The following SH3D19 variants were observed in gnomAD, a reference collection of about 807,000 sequenced individuals.
The protein encoded by SH3D19 is SH3 domain-containing protein 19.
Under a neutral mutation model 112.1 loss-of-function variants are expected in SH3D19, and 58 were observed. The ratio of observed to expected loss-of-function variants is 0.52; its 90% confidence interval spans 0.42 to 0.64. SH3D19 has a LOEUF of 0.64. Among genes scored for constraint, SH3D19 ranks in the 30% least tolerant of loss-of-function variants. The probability of loss-of-function intolerance (pLI) is 0.00; values close to 1 mark genes in which losing one functional copy is unlikely to be tolerated. For synonymous variants in SH3D19, 391 were observed against 448.5 expected (o/e 0.87, Z 1.62); for missense variants, 1,090 against 1,263.4 (o/e 0.86, Z 2.08).
rs1752166857 is a variant in SH3D19 at position 151,137,812 on chromosome 4, C to T, written c.2347G>A (p.Glu783Lys). 1.2e-6 allele frequency: 2 copies of T among 1,607,618 alleles called. No homozygotes were observed. The highest frequency in any genetic ancestry group is 1.7e-5 in the Admixed American group (1 of 59,280). Residue 783 changes from glutamate to lysine, a missense_variant, in exon 14 of 20, where the codon GAG becomes AAG. Glu to Lys is a moderately conservative substitution (Grantham distance 56). Transcript: ENST00000604030. ...LTSGEIVYLLEKIDTDWYRGN... is the reference protein window; with the variant it reads ...LTSGEIVYLLKKIDTDWYRGN... ...CTGTACCAATCTGTATCTATCTTCT[C>T]CAGAAGATAAACAATTTCTCCAGAA...
chr4:151,144,239 G>A (rs1753528871), intron 11 of SH3D19, 189 bp from the exon 12 acceptor site: 1 of 1,613,930 alleles, frequency 6.2e-7, no homozygotes, highest in Admixed American at 1.7e-5. Flanking sequence ...GAGTTCTCCG[G>A]GGTTTTGAGA....
intron 1 of SH3D19, among the ~76,000 whole-genome samples, chr4:151,248,070 T>A (rs1169482802): frequency 6.6e-6 from 1 of 152,196 alleles, no homozygotes; most frequent in East Asian, 1.9e-4. Context: ...CTTTACTTCA[T>A]GTTGACCAGA....
intron 2 of SH3D19, among the ~76,000 whole-genome samples, chr4:151,224,418 T>C (rs935454915): frequency 3.9e-5 from 6 of 152,226 alleles, no homozygotes; most frequent in Non-Finnish European, 8.8e-5. Flanking sequence ...GTAGATGTAA[T>C]GACATAAGAT....
chr4:151,176,938 A>C lies in SH3D19; in HGVS notation c.254T>G (p.Ile85Ser). The C allele has an allele frequency of 8.1e-7, 1 of 1,232,226 alleles. No individual in the cohort carries two copies. The highest frequency in any genetic ancestry group is 4.1e-5 in the South Asian group (1 of 24,320). 76.3% of individuals were successfully genotyped at this position (1,232,226 alleles called of 1,614,324 possible). Residue 85 changes from isoleucine (I) to serine (S), a missense_variant, in exon 5 of 20, where the codon ATT becomes AGT. By Grantham distance (142) the Ile-to-Ser change is moderately radical (BLOSUM62 -2). Transcript: ENST00000604030. ...TGGCCTCAGTGGCTCAGCTGCCACAATGGTGATCTCTGGGCGCCTAGTGGA... is the reference window on the plus strand; with the variant it reads ...TGGCCTCAGTGGCTCAGCTGCCACACTGGTGATCTCTGGGCGCCTAGTGGA... ...HRDRRRPEIT[I>S]VAAEPLRPAS...
chr4:151,160,382 C>T (rs1010605250), intron 8 of SH3D19, among the ~76,000 whole-genome samples: 5 of 152,200 alleles, frequency 3.3e-5, no homozygotes, highest in African/African-American at 1.2e-4. Context: ...CCACTGCATC[C>T]GCCCAATGTG....
chr4:151,144,220 C>A, intron 11 of SH3D19, 170 bp from the exon 12 acceptor site: 1 of 1,613,602 alleles, frequency 6.2e-7, no homozygotes, highest in Non-Finnish European at 8.5e-7. Context: ...TCTACTTTAC[C>A]TTACAAGAGA....
intron 1 of SH3D19, among the ~76,000 whole-genome samples, chr4:151,233,368 G>A (rs1266432714): frequency 2.0e-5 from 3 of 152,150 alleles, no homozygotes; most frequent in Non-Finnish European, 4.4e-5. Context: ...AGCCCCTGGT[G>A]CCAAAAAGGT....
intron 11 of SH3D19, chr4:151,144,346 C>T (rs1326009793): frequency 6.6e-7 from 1 of 1,513,548 alleles, no homozygotes; most frequent in Non-Finnish European, 9.2e-7. Flanking sequence ...TCTTAAGTTG[C>T]TGATCATTTA....
At chr4:151,136,367 T>A (rs1751860318) in intron 14 of SH3D19, among the ~76,000 whole-genome samples, 1 of 152,118 alleles carries the variant, frequency 6.6e-6, no homozygotes, top group Non-Finnish European at 1.5e-5. Flanking sequence ...AGGCTGGTCT[T>A]GAACTCCTGA....
At chr4:151,218,345 T>C (rs567268466) in intron 2 of SH3D19, among the ~76,000 whole-genome samples, 1 of 152,246 alleles carries the variant, frequency 6.6e-6, no homozygotes, top group East Asian at 1.9e-4. Context: ...AAAACATCTT[T>C]ATCATTGCCA....
At chr4:151,292,179 G>C (rs1775386933) in intron 1 of SH3D19, among the ~76,000 whole-genome samples, 1 of 152,026 alleles carries the variant, frequency 6.6e-6, no homozygotes. Flanking sequence ...TGTGCCTGTG[G>C]TCTCAGCTAC....
chr4:151,192,217 G>A (rs1485536455), intron 2 of SH3D19, among the ~76,000 whole-genome samples: 3 of 152,160 alleles, frequency 2.0e-5, no homozygotes, highest in Admixed American at 6.5e-5. Context: ...GATTACAGGC[G>A]TGAGCCACCG....
At chr4:151,194,016 A>ATTTTTTTTTTTTTTTTTT (rs201719037) in intron 2 of SH3D19, among the ~76,000 whole-genome samples, 5 of 111,896 alleles carry the variant, frequency 4.5e-5, no homozygotes, top group African/African-American at 1.8e-4. Flanking sequence ...AGTAGGATTA[A>ATTTTTTTTTTTTTTTTTT]TTTTTTTTTT....
intron 2 of SH3D19, among the ~76,000 whole-genome samples, chr4:151,216,016 A>G (rs1225433057): frequency 6.6e-6 from 1 of 152,116 alleles, no homozygotes; most frequent in Non-Finnish European, 1.5e-5. Flanking sequence ...TTTTTAGTAG[A>G]GACAGGGTTT....
chr4:151,322,031 A>G (rs1173701691), intron 1 of SH3D19, among the ~76,000 whole-genome samples: 1 of 152,202 alleles, frequency 6.6e-6, no homozygotes, highest in Admixed American at 6.5e-5. Context: ...AATATTTCAC[A>G]TAGTGCCAGA....
At chr4:151,228,008 G>C in intron 1 of SH3D19, 1 of 985,378 alleles carries the variant, frequency 1.0e-6, no homozygotes, top group Non-Finnish European at 1.2e-6. Flanking sequence ...GCTGGAATGT[G>C]GCCACTCAGG....
chr4:151,293,390 G>A (rs951048479), intron 1 of SH3D19, among the ~76,000 whole-genome samples: 12 of 150,660 alleles, frequency 8.0e-5, no homozygotes, highest in East Asian at 4.0e-4. Flanking sequence ...GGAGAATGGC[G>A]TGAACCTGGG....
intron 2 of SH3D19, among the ~76,000 whole-genome samples, chr4:151,194,891 G>C (rs1763184191): frequency 6.6e-6 from 1 of 151,018 alleles, no homozygotes; most frequent in African/African-American, 2.4e-5. Context: ...TTCGAGACCA[G>C]CCTAGCCAAT....
intron 1 of SH3D19, among the ~76,000 whole-genome samples, chr4:151,249,945 G>C (rs985777688): frequency 6.6e-6 from 1 of 152,132 alleles, no homozygotes; most frequent in Non-Finnish European, 1.5e-5. Context: ...GTATGCTTGA[G>C]TTAAAATATT....
Sources: allele counts gnomAD v4.1 joint callset (sites outside exome capture counted in the v4.1 genomes callset), GRCh38; gene constraint gnomAD v4.1.1; transcripts MANE v1.5; gene names NCBI Gene and HGNC (gene_info 2026-07-23, HGNC 2026-07-21).